Variants in COG6 observed in about 807,000 individuals in gnomAD.
COG6 encodes conserved oligomeric Golgi complex subunit 6.
A neutral mutation model predicts 88.8 loss-of-function variants in COG6; 74 were observed. The observed-to-expected ratio is 0.83, with a 90% CI of 0.69 to 1.01. The LOEUF (loss-of-function observed/expected upper bound fraction) is 1.01. Among genes scored for constraint, COG6 ranks in the 50% least tolerant of loss-of-function variants. The pLI is 0.00. For synonymous variants in COG6, 286 were observed against 278.7 expected, an observed-to-expected ratio of 1.03 and a Z score of -0.26; for missense variants, 800 against 797.9, an observed-to-expected ratio of 1.00 and a Z score of -0.03.
rs546947695 is a variant in COG6, at chr13:39,721,146, C to T, written c.1584+1319C>T. Reference sequence around the variant, plus strand: ...TCAAGCCCAAATCCCTGCCATTTATCTAAATCTTAAGATGTTAAGATATGT... The same window carrying T: ...TCAAGCCCAAATCCCTGCCATTTATTTAAATCTTAAGATGTTAAGATATGT... On this transcript the variant is annotated intron_variant, in intron 15 of 18. Coordinates refer to ENST00000455146, the MANE Select transcript of COG6 (RefSeq NM_020751.3). Among the ~76,000 whole-genome samples the T allele has an allele frequency of 5.3e-5, 8 of 152,034 alleles. No individual in the cohort carries two copies. In the South Asian group the frequency reaches 1.7e-3, roughly 32 times the overall value.
chr13:39,753,946 T>C (rs1023344201), downstream of COG6, among the ~76,000 whole-genome samples: 2 of 152,212 alleles, frequency 1.3e-5, no homozygotes, highest in Non-Finnish European at 2.9e-5. Flanking sequence ...CTCTCACTAC[T>C]ACACCGAAAC....
At chr13:39,668,529 C>T (rs1015624998) in intron 4 of COG6, among the ~76,000 whole-genome samples, 2 of 152,166 alleles carry the variant, frequency 1.3e-5, no homozygotes, top group Admixed American at 6.5e-5. Flanking sequence ...TAGCTCACAC[C>T]TGTAATCCCA....
chr13:39,703,814 G>T (rs1476006219), intron 13 of COG6, among the ~76,000 whole-genome samples: 1 of 151,940 alleles, frequency 6.6e-6, no homozygotes, highest in African/African-American at 2.4e-5. Context: ...GCTCACTGCA[G>T]CCTTGAAGCT....
chr13:39,665,873 A>G (rs1168071906), intron 4 of COG6, among the ~76,000 whole-genome samples: 1 of 152,216 alleles, frequency 6.6e-6, no homozygotes, highest in Non-Finnish European at 1.5e-5. Flanking sequence ...GTAGGTCAGT[A>G]TACTATAGTA....
chr13:39,727,133 A>G (rs982541881), intron 17 of COG6, among the ~76,000 whole-genome samples: 32 of 152,176 alleles, frequency 2.1e-4, no homozygotes, highest in African/African-American at 7.0e-4. Flanking sequence ...ATGAACAAAT[A>G]TAGTAAAATC....
chr13:39,772,953 A>G lies in COG6; in HGVS notation c.1827-15382A>G, dbSNP rs568897147. Among the ~76,000 whole-genome samples the G allele has an allele frequency of 3.3e-5, 5 of 152,320 alleles. No homozygotes were observed. In the East Asian group the frequency reaches 7.7e-4, roughly 24 times the overall value. On this transcript the variant is annotated intron_variant, in intron 18 of 18. Coordinates refer to the COG6 transcript ENST00000416691. ...GAACATTTGCCATTTTGGATCACCA[A>G]TTTGGGGCCAGGAGCTTTGTATATT...
rs1425913784 is a variant in COG6 at position 39,750,974 on chromosome 13, T to A, written c.1855T>A (p.Leu619Ile). The change falls in exon 19 of 19, where the codon TTA becomes ATA. Residue 619 changes from leucine (L) to isoleucine (I), a missense_variant. By Grantham distance (5) the Leu-to-Ile change is conservative (BLOSUM62 2). Transcript: ENST00000455146. ...GCAGATCGTAAAACAATCTACAGAA[T>A]TAGTCTGCAGAGCCTATGGTGAAGT... ...KEQIVKQSTE[L>I]VCRAYGEVYA... 1.2e-6 allele frequency: 2 copies of A among 1,613,502 alleles called. No homozygotes were observed.
chr13:39,677,956 A>G, intron 5 of COG6: 1 of 346,192 alleles, frequency 2.9e-6, no homozygotes, highest in Non-Finnish European at 5.5e-6. Flanking sequence ...GTGAAATGTG[A>G]GGATTTAGCC....
At chr13:39,733,809 A>T (rs1879589361) in intron 18 of COG6, among the ~76,000 whole-genome samples, 1 of 151,986 alleles carries the variant, frequency 6.6e-6, no homozygotes, top group Non-Finnish European at 1.5e-5. Context: ...TATGGCTTTG[A>T]TCTCATTACT....
chr13:39,784,000 G>C (rs1881704245), intron 18 of COG6, among the ~76,000 whole-genome samples: 1 of 152,156 alleles, frequency 6.6e-6, no homozygotes, highest in Non-Finnish European at 1.5e-5. Flanking sequence ...ATTCTGGGGG[G>C]AGAAAGTGTG....
At chr13:39,656,101 C>T in intron 1 of COG6, 1 of 685,948 alleles carries the variant, frequency 1.5e-6, no homozygotes, top group Non-Finnish European at 2.7e-6. Flanking sequence ...CCTGGGTGTT[C>T]TCTCCACCTG....
At chr13:39,699,406 A>T (rs1467325494) in intron 12 of COG6, 95 bp from the exon 13 acceptor site, 5 of 638,194 alleles carry the variant, frequency 7.8e-6, no homozygotes, top group Middle Eastern at 7.8e-4. Context: ...AAAAACTTTT[A>T]TTTAAATCTA....
intron 18 of COG6, among the ~76,000 whole-genome samples, chr13:39,748,069 A>G (rs1051712049): frequency 1.3e-5 from 2 of 152,204 alleles, no homozygotes; most frequent in Admixed American, 6.5e-5. Flanking sequence ...AGTATGAGGC[A>G]TGAGTAATGA....
At chr13:39,690,772 A>G (rs1006639148) in intron 11 of COG6, among the ~76,000 whole-genome samples, 1 of 151,906 alleles carries the variant, frequency 6.6e-6, no homozygotes, top group African/African-American at 2.4e-5. Flanking sequence ...ACTTGATCTC[A>G]TAGGACCTAA....
At chr13:39,713,420 T>C (rs1459920612) in intron 13 of COG6, among the ~76,000 whole-genome samples, 4 of 152,070 alleles carry the variant, frequency 2.6e-5, no homozygotes, top group Non-Finnish European at 5.9e-5. Context: ...AGTGCAAGAA[T>C]GCATTGGAGG....
chr13:39,670,313 A>T (rs897012692), intron 4 of COG6, among the ~76,000 whole-genome samples: 1 of 152,024 alleles, frequency 6.6e-6, no homozygotes, highest in African/African-American at 2.4e-5. Context: ...TTATATTTTT[A>T]TTATCTCTTA....
At chr13:39,682,373 A>C in intron 8 of COG6, 109 bp downstream of exon 8, 1 of 692,754 alleles carries the variant, frequency 1.4e-6, no homozygotes, top group Non-Finnish European at 2.6e-6. Context: ...TAATATTTAT[A>C]ATAATTTACA....
At chr13:39,682,032 A>AT (rs1231978780) in intron 7 of COG6, 139 bp from the exon 8 acceptor site, 1 of 645,098 alleles carries the variant, frequency 1.6e-6, no homozygotes, top group African/African-American at 1.8e-5. Context: ...TTCATTTTTG[A>AT]TTGGTGTATT....
chr13:39,659,287 T>G (rs911223295), intron 1 of COG6, 77 bp from the exon 2 acceptor site: 1 of 1,337,044 alleles, frequency 7.5e-7, no homozygotes, highest in Admixed American at 1.8e-5. Flanking sequence ...GAAAATGATT[T>G]CATTACATTT....
Sources: allele counts gnomAD v4.1 joint callset (sites outside exome capture counted in the v4.1 genomes callset), GRCh38; gene constraint gnomAD v4.1.1; transcripts MANE v1.5; gene names NCBI Gene and HGNC (gene_info 2026-07-23, HGNC 2026-07-21).